Variants in RAB8A observed in about 807,000 individuals in gnomAD.
The protein encoded by RAB8A is RAB8A, member RAS oncogene family.
In RAB8A, 5 loss-of-function variants were observed where a neutral mutation model predicts 29.2. The observed-to-expected ratio is 0.17, with a 90% confidence interval of 0.09 to 0.36. RAB8A has a LOEUF of 0.36. Among genes scored for constraint, RAB8A ranks in the 10% least tolerant of loss-of-function variants. The pLI is 1.00. For synonymous variants in RAB8A, 108 were observed against 99.9 expected, an observed-to-expected ratio of 1.08 and a Z score of -0.49; for missense variants, 171 against 272.2, an observed-to-expected ratio of 0.63 and a Z score of 2.62.
Position 16,127,948 on chromosome 19 carries a change from C to G in RAB8A, c.415-78C>G, listed in dbSNP as rs551387511. The G allele has an allele frequency of 1.7e-5, 26 of 1,486,534 alleles. 2 individuals carry two copies. Among genetic ancestry groups the G allele is most frequent in the African/African-American group, 1.1e-4 (8 of 72,228 alleles). 92.1% of individuals were successfully genotyped at this position (1,486,534 alleles called of 1,614,324 possible). ...CTGCTCCCTCTTGGCGCCGGCCCTG[C>G]CTTCAGCTCCTGTTTTAGGCAAGCT... is the stretch of plus-strand genomic sequence containing the variant. On this transcript the variant is annotated intron_variant, in intron 5 of 7. Coordinates refer to ENST00000300935, the MANE Select transcript of RAB8A (RefSeq NM_005370.5). This position sits in a 1 kb window ranked among gnomAD's most constrained non-coding sequence, Gnocchi z 4.8.
intron 2 of RAB8A, among the ~76,000 whole-genome samples, chr19:16,118,973 C>G (rs116778200): frequency 0.013 from 2,027 of 152,314 alleles, 47 homozygotes; most frequent in African/African-American, 0.044. Context: ...ACATGCCACT[C>G]GCACAGAGTC....
chr19:16,113,097 T>C (rs945579263), intron 1 of RAB8A, among the ~76,000 whole-genome samples: 4 of 152,314 alleles, frequency 2.6e-5, no homozygotes, highest in African/African-American at 9.6e-5. Flanking sequence ...ATCTCAGTTG[T>C]GATGTCCACA....
At chr19:16,121,254 C>T (rs1001501270) in intron 2 of RAB8A, among the ~76,000 whole-genome samples, 2 of 152,136 alleles carry the variant, frequency 1.3e-5, no homozygotes, top group Non-Finnish European at 2.9e-5. Flanking sequence ...CACTAAGTAC[C>T]CTTCAAGCCA....
intron 1 of RAB8A, among the ~76,000 whole-genome samples, chr19:16,116,277 A>T (rs1313136041): frequency 6.6e-6 from 1 of 152,208 alleles, no homozygotes; most frequent in Non-Finnish European, 1.5e-5. Flanking sequence ...AGAGCAGGTC[A>T]TGAGCCAGAG....
At position 16,125,020 on chromosome 19, in the gene RAB8A, T is replaced by A; in HGVS notation, c.247-450T>A. On this transcript the variant is annotated intron_variant, in intron 3 of 7. Transcript: ENST00000300935. The surrounding 1 kb of genome is among the most constrained non-coding windows in gnomAD (Gnocchi z 5.0). The stretch of plus-strand genomic sequence containing the variant: ...AGGACTTCCTGGGCTCAGTTGTGCC[T>A]GGTAGGTGGCTCAGGCAGAGCGTGG... The A allele has an allele frequency of 4.3e-6, 1 of 230,976 alleles. No individual in the cohort carries two copies. The allele number at this position is 230,976 out of a possible 1,614,324, so 14.3% of individuals were successfully genotyped here.
chr19:16,129,374 GC>G (rs2090915512), intron 6 of RAB8A, among the ~76,000 whole-genome samples, 179 bp from the exon 7 acceptor site: 1 of 152,182 alleles, frequency 6.6e-6, no homozygotes, highest in Non-Finnish European at 1.5e-5. Context: ...GGCAGAGGGA[GC>G]CGGGGAAGGA....
rs1487137614 is a variant in RAB8A, at chr19:16,134,034, C to T, written c.*1730C>T. The T allele has an allele frequency of 6.6e-6, 1 of 152,338 alleles. No individual in the cohort carries two copies. The highest frequency in any genetic ancestry group is 2.4e-5 in the African/African-American group (1 of 41,450). The allele number at this position is 152,338 out of a possible 1,614,324, so 9.4% of individuals were successfully genotyped here. ...TCCTTCCACTCTATCCAGGGTCCTT[C>T]CCAAGACCACACCCAGGTCCAGTCA... On this transcript the variant is annotated 3_prime_UTR_variant, in exon 8 of 8. Transcript: ENST00000300935.
chr19:16,116,706 G>A lies in RAB8A; in HGVS notation c.125-1520G>A, dbSNP rs538627714. Among the ~76,000 whole-genome samples the A allele has an allele frequency of 1.3e-4, 20 of 152,216 alleles. No individual in the cohort carries two copies. In the East Asian group the frequency reaches 3.5e-3, roughly 27 times the overall value. Reference sequence around the variant, plus strand: ...AAAAATTAGCTGGGCATGGTGGCGCGTGCCGGCAGTCCCAGCTACTTGGGA... The same window carrying A: ...AAAAATTAGCTGGGCATGGTGGCGCATGCCGGCAGTCCCAGCTACTTGGGA... On this transcript the variant is annotated intron_variant, in intron 1 of 7. Transcript: ENST00000300935.
rs192190755 is a variant in RAB8A, at chr19:16,125,098, G to C, written c.247-372G>C. On this transcript the variant is annotated intron_variant, in intron 3 of 7. Transcript: ENST00000300935. The surrounding 1 kb of genome is among the most constrained non-coding windows in gnomAD (Gnocchi z 5.0). Reference sequence around the variant, plus strand: ...ATTGCAGGGGAGGGTCAGCGTGAGGGGAGTGCTGCTGGCAGTGGGCCTGTG... The same window carrying C: ...ATTGCAGGGGAGGGTCAGCGTGAGGCGAGTGCTGCTGGCAGTGGGCCTGTG... 2.8e-6 allele frequency: 1 copy of C among 358,768 alleles called. No homozygotes were observed. The highest frequency in any genetic ancestry group is 5.4e-6 in the Non-Finnish European group (1 of 185,814). 22.2% of individuals were successfully genotyped at this position (358,768 alleles called of 1,614,324 possible). A position where few individuals can be genotyped will look rare whatever the true frequency, so the allele number is the denominator to read the frequency against.
chr19:16,117,461 C>T (rs1018075859), intron 1 of RAB8A, among the ~76,000 whole-genome samples: 1 of 151,362 alleles, frequency 6.6e-6, no homozygotes, highest in East Asian at 1.9e-4. Context: ...TGCACTCCAG[C>T]CTGGGCGACA....
chr19:16,130,948 C>T (rs186315858), intron 7 of RAB8A, among the ~76,000 whole-genome samples: 52 of 152,230 alleles, frequency 3.4e-4, no homozygotes, highest in African/African-American at 1.2e-3. Context: ...CTCAACCTCC[C>T]GAGTACTTGG....
rs1458653442 is a variant in RAB8A, at chr19:16,128,017, C to T, written c.415-9C>T. On this transcript the variant is annotated splice_polypyrimidine_tract_variant and intron_variant, in intron 5 of 7. Coordinates refer to ENST00000300935, the MANE Select transcript of RAB8A (RefSeq NM_005370.5). ...GGTGTGCTCATGCGTGTGCCTCCCT[C>T]TCTCACAGCTGGCCCTCGACTATGG... 1 of 1,614,042 alleles carries T rather than the reference C, an allele frequency of 6.2e-7. No individual in the cohort carries two copies. The highest frequency in any genetic ancestry group is 1.3e-5 in the African/African-American group (1 of 74,934).
chr19:16,121,194 G>A (rs1000408991), intron 2 of RAB8A, among the ~76,000 whole-genome samples: 4 of 152,182 alleles, frequency 2.6e-5, no homozygotes, highest in African/African-American at 9.7e-5. Context: ...TAGGATTACA[G>A]ATGTGAGCCA....
chr19:16,112,169 C>T lies in RAB8A; in HGVS notation c.124+144C>T, dbSNP rs563273094. ...GGGCCTAAAGGGAGAAGAGCAGTCG[C>T]CTGCACCGCCGTTCGGGGGTTCCTG... On this transcript the variant is annotated intron_variant, in intron 1 of 7. Transcript: ENST00000300935. The T allele has an allele frequency of 1.7e-5, 21 of 1,229,476 alleles. No homozygotes were observed. In the African/African-American group the frequency reaches 2.4e-4, roughly 14 times the overall value. 76.2% of individuals were successfully genotyped at this position (1,229,476 alleles called of 1,614,324 possible). A position where few individuals can be genotyped will look rare whatever the true frequency, so the allele number is the denominator to read the frequency against.
At chr19:16,113,698 C>T (rs115107559) in intron 1 of RAB8A, among the ~76,000 whole-genome samples, 2,221 of 152,296 alleles carry the variant, frequency 0.015, 52 homozygotes, top group African/African-American at 0.05. Flanking sequence ...CCGCACCCAG[C>T]GGAGCTGTGC....
At chr19:16,118,927 T>C (rs2144986836) in intron 2 of RAB8A, among the ~76,000 whole-genome samples, 1 of 152,286 alleles carries the variant, frequency 6.6e-6, no homozygotes, top group South Asian at 2.1e-4. Context: ...TGAGACTGAG[T>C]TCAGGTGGCG....
At chr19:16,119,293 C>T (rs2090862112) in intron 2 of RAB8A, among the ~76,000 whole-genome samples, 1 of 152,118 alleles carries the variant, frequency 6.6e-6, no homozygotes, top group African/African-American at 2.4e-5. Context: ...GCAACCTCTG[C>T]CCCCCGGGTT....
intron 2 of RAB8A, 23 bp downstream of exon 2, chr19:16,118,309 A>G (rs2090856091): frequency 6.2e-7 from 1 of 1,602,986 alleles, no homozygotes. Context: ...GTTCTCTGTC[A>G]TTCTCTCCAC....
At chr19:16,120,196 A>G (rs569130642) in intron 2 of RAB8A, among the ~76,000 whole-genome samples, 39 of 152,300 alleles carry the variant, frequency 2.6e-4, no homozygotes, top group African/African-American at 8.9e-4. Context: ...TTTCTGCACA[A>G]TCCAGACGTA....
Sources: gnomAD v4.1 joint callset for allele counts (sites outside exome capture counted in the v4.1 genomes callset) on GRCh38, gnomAD v4.1.1 for gene constraint, Gnocchi (gnomAD v3.1) non-coding constraint, MANE v1.5 for transcripts, NCBI Gene and HGNC (gene_info 2026-07-23, HGNC 2026-07-21) for gene names.